Variants in EVI5L observed in about 807,000 individuals in gnomAD.
EVI5L encodes ecotropic viral integration site 5 like, also known as EVI5-like protein.
Under a neutral mutation model 106.1 loss-of-function variants are expected in EVI5L, and 30 were observed. The ratio of observed to expected loss-of-function variants is 0.28; its 90% CI spans 0.21 to 0.38. The LOEUF is 0.38. Ranked by LOEUF, EVI5L falls within the 10% of genes least tolerant of loss-of-function variation. EVI5L has a pLI of 1.00. For missense variants in EVI5L, 809 were observed against 1,098.0 expected (o/e 0.74, Z 3.72); for synonymous variants, 489 against 483.3 (o/e 1.01, Z -0.15).
At chr19:7,832,585 G>A (rs1484889768) in intron 1 of EVI5L, among the ~76,000 whole-genome samples, 2 of 152,090 alleles carry the variant, frequency 1.3e-5, no homozygotes, top group Non-Finnish European at 2.9e-5. Context: ...GTGTGGAAGG[G>A]GACAGCAAGG....
chr19:7,839,012 A>G (rs1293891770), intron 1 of EVI5L, among the ~76,000 whole-genome samples: 2 of 150,662 alleles, frequency 1.3e-5, no homozygotes, highest in Non-Finnish European at 3.0e-5. Context: ...GAAAAAAAAA[A>G]AAATCCTTGG....
chr19:7,853,492 C>T, intron 10 of EVI5L, 159 bp downstream of exon 10: 1 of 966,330 alleles, frequency 1.0e-6, no homozygotes, highest in Non-Finnish European at 1.5e-6. Context: ...CGCCGTCCTT[C>T]ACCTGTTAGG....
intron 1 of EVI5L, among the ~76,000 whole-genome samples, chr19:7,842,400 G>A (rs572894927): frequency 3.1e-5 from 1 of 32,266 alleles, no homozygotes; most frequent in Non-Finnish European, 7.8e-5. Context: ...GTGAGAATGT[G>A]AGTGTGTGTG....
chr19:7,843,004 ATG>A (rs1978720216), intron 1 of EVI5L, among the ~76,000 whole-genome samples: 2 of 150,614 alleles, frequency 1.3e-5, no homozygotes, highest in Non-Finnish European at 3.0e-5. Context: ...GAGTGTGTGC[ATG>A]TGTGTATAGG....
chr19:7,863,776 C>T lies in EVI5L; in HGVS notation c.*74C>T. ...GCCCGGGCAGTCCGCGTTCTGCTCC[C>T]CACCTGCCGCACTTGACAAACTACG... On this transcript the variant is annotated 3_prime_UTR_variant, in exon 20 of 20. Coordinates refer to ENST00000538904, the MANE Select transcript of EVI5L (RefSeq NM_001159944.3). The surrounding 1 kb of genome is among the most constrained non-coding windows in gnomAD (Gnocchi z 7.7). 16 of 1,414,318 alleles carry T rather than the reference C, an allele frequency of 1.1e-5. No individual in the cohort carries two copies. The highest frequency in any genetic ancestry group is 1.5e-5 in the Non-Finnish European group (16 of 1,089,668). The allele number at this position is 1,414,318 out of a possible 1,614,324, so 87.6% of individuals were successfully genotyped here.
chr19:7,850,901 T>G lies in EVI5L; in HGVS notation c.754-533T>G, dbSNP rs1005112225. Reference sequence around the variant, plus strand: ...TCCTAACGCCTTCTCCGGCCTCAGTTTCCCCAGCCGTCTGCCACTTTCTGG... The same window carrying G: ...TCCTAACGCCTTCTCCGGCCTCAGTGTCCCCAGCCGTCTGCCACTTTCTGG... On this transcript the variant is annotated intron_variant, in intron 6 of 19. Transcript: ENST00000538904. This position sits in a 1 kb window ranked among gnomAD's most constrained non-coding sequence, Gnocchi z 5.4. Among the ~76,000 whole-genome samples the G allele has an allele frequency of 6.6e-6, 1 of 152,204 alleles. No individual in the cohort carries two copies. Among genetic ancestry groups the G allele is most frequent in the Non-Finnish European group, 1.5e-5 (1 of 68,028 alleles).
At position 7,863,064 on chromosome 19, in the gene EVI5L, C is replaced by A. The variant is rs1054929282; in HGVS notation, c.2040C>A (p.Ile680=). 1.3e-6 allele frequency: 2 copies of A among 1,504,918 alleles called. No homozygotes were observed. Among genetic ancestry groups the A allele is most frequent in the Admixed American group, 1.9e-5 (1 of 52,984 alleles). 93.2% of individuals were successfully genotyped at this position (1,504,918 alleles called of 1,614,324 possible). ...GGCAGCGCATTGCCGAGCTGGAGAT[C>A]CAGGTGATCGGCGGGGCCGGGGTCG... ...EMRQRIAELE[I]QREEGRIQGQ... is the part of the protein sequence containing the mutation. Residue 680 remains isoleucine (I), a synonymous_variant, in exon 18 of 20, where the codon ATC becomes ATA. Transcript: ENST00000538904. This position sits in a 1 kb window ranked among gnomAD's most constrained non-coding sequence, Gnocchi z 7.7.
intron 1 of EVI5L, among the ~76,000 whole-genome samples, chr19:7,833,052 C>A (rs1358463510): frequency 6.6e-6 from 1 of 152,124 alleles, no homozygotes; most frequent in East Asian, 1.9e-4. Context: ...GAAGGCTTCC[C>A]AGGATGACTG....
chr19:7,851,912 C>T, intron 8 of EVI5L, 142 bp downstream of exon 8: 1 of 725,300 alleles, frequency 1.4e-6, no homozygotes, highest in Non-Finnish European at 2.0e-6. Flanking sequence ...TTCCCATCCA[C>T]TCTGTTCCCC....
At chr19:7,854,366 C>A (rs1027121270) in intron 10 of EVI5L, among the ~76,000 whole-genome samples, 1 of 151,762 alleles carries the variant, frequency 6.6e-6, no homozygotes, top group South Asian at 2.1e-4. Flanking sequence ...AGACTGAGGG[C>A]GCACCAGTGA....
chr19:7,852,718 A>ATTT (rs78343459), intron 8 of EVI5L: 2,242 of 212,636 alleles, frequency 0.011, 1 homozygote, highest in South Asian at 0.035. Flanking sequence ...TGTCCAGCTA[A>ATTT]TTTTTTTTTT....
At position 7,848,318 on chromosome 19, in the gene EVI5L, C is replaced by T. The variant is rs1317535734; in HGVS notation, c.327+397C>T. Among the ~76,000 whole-genome samples, 1 of 151,804 alleles carries T rather than the reference C, an allele frequency of 6.6e-6. No individual in the cohort carries two copies. The highest frequency in any genetic ancestry group is 2.4e-5 in the African/African-American group (1 of 41,280). ...AAGTTTAAAAATTAGCCAGGTAGGC[C>T]GGGCGCAGTGGCTCACGCCTGTAAT... On this transcript the variant is annotated intron_variant, in intron 3 of 19. Coordinates refer to ENST00000538904, the MANE Select transcript of EVI5L (RefSeq NM_001159944.3). This position sits in a 1 kb window ranked among gnomAD's most constrained non-coding sequence, Gnocchi z 4.8.
intron 10 of EVI5L, among the ~76,000 whole-genome samples, chr19:7,855,398 C>T (rs530186775): frequency 1.3e-5 from 2 of 152,254 alleles, no homozygotes; most frequent in African/African-American, 4.8e-5. Context: ...GGCCTAAAAC[C>T]GCAAATATCT....
intron 6 of EVI5L, among the ~76,000 whole-genome samples, chr19:7,851,187 G>T (rs1821123875): frequency 6.6e-6 from 1 of 152,102 alleles, no homozygotes; most frequent in Non-Finnish European, 1.5e-5. Context: ...CCTACCCAGG[G>T]TGGGCCCCCA....
Position 7,863,510 on chromosome 19 carries a change from G to T in EVI5L, c.2226G>T (p.Ser742=), listed in dbSNP as rs1050654372. Residue 742 remains serine, a synonymous_variant, in exon 20 of 20, where the codon TCG becomes TCT. Transcript: ENST00000538904. The surrounding 1 kb of genome is among the most constrained non-coding windows in gnomAD (Gnocchi z 7.7). ...LSLARHLDED[S]LPSSDEELLG... is the part of the protein sequence containing the mutation. ...TGGCGCGGCACTTGGACGAGGACTC[G>T]CTGCCGTCGTCGGACGAGGAGCTAC... 4 of 1,591,072 alleles carry T rather than the reference G, an allele frequency of 2.5e-6. No homozygotes were observed. Among genetic ancestry groups the T allele is most frequent in the Non-Finnish European group, 3.4e-6 (4 of 1,169,934 alleles).
At position 7,861,948 on chromosome 19, in the gene EVI5L, G is replaced by C. The variant is rs1415437550; in HGVS notation, c.1574G>C (p.Arg525Pro). The change falls in exon 15 of 20, where the codon CGG (arginine) becomes CCG (proline). Residue 525 changes from arginine (R) to proline (P), a missense_variant. This residue lies in a region of EVI5L where 452 missense variants were observed against 509.9 expected (regional missense o/e 0.89). Coordinates refer to ENST00000538904, the MANE Select transcript of EVI5L (RefSeq NM_001159944.3). ...LQEELKALKV[R>P]EGQAVASTRE... Reference sequence around the variant, plus strand: ...GAGGAGCTGAAGGCGCTCAAGGTGCGGGAAGGCCAGGCGGTGGCCTCGACG... The same window carrying C: ...GAGGAGCTGAAGGCGCTCAAGGTGCCGGAAGGCCAGGCGGTGGCCTCGACG... 58 of 1,549,966 alleles carry C rather than the reference G, an allele frequency of 3.7e-5. No individual in the cohort carries two copies. Among genetic ancestry groups the C allele is most frequent in the Non-Finnish European group, 4.6e-5 (53 of 1,146,936 alleles).
chr19:7,853,385 T>C, intron 10 of EVI5L, 52 bp downstream of exon 10: 2 of 1,573,450 alleles, frequency 1.3e-6, no homozygotes, highest in Non-Finnish European at 8.6e-7. Flanking sequence ...CTTTGGGGGC[T>C]GCCCTCCGTA....
At chr19:7,859,826 A>G (rs916489746) in intron 13 of EVI5L, among the ~76,000 whole-genome samples, 3 of 152,238 alleles carry the variant, frequency 2.0e-5, no homozygotes, top group African/African-American at 4.8e-5. Flanking sequence ...GAGGAGCCAC[A>G]TGGGGCCTGG....
At chr19:7,836,259 TGGG>T (rs1441965394) in intron 1 of EVI5L, among the ~76,000 whole-genome samples, 1 of 151,282 alleles carries the variant, frequency 6.6e-6, no homozygotes, top group Non-Finnish European at 1.5e-5. Flanking sequence ...AAGAAGGAAA[TGGG>T]GGGTAGGGGA....
Sources: gnomAD v4.1 joint callset for allele counts (sites outside exome capture counted in the v4.1 genomes callset) on GRCh38, gnomAD v4.1.1 for gene constraint, gnomAD v4.1.1 regional missense constraint, Gnocchi (gnomAD v3.1) non-coding constraint, MANE v1.5 for transcripts, NCBI Gene and HGNC (gene_info 2026-07-23, HGNC 2026-07-21) for gene names.